Variants in EPHX2 observed in about 807,000 individuals in gnomAD.
EPHX2 encodes the protein bifunctional epoxide hydrolase 2.
A neutral mutation model predicts 78.7 loss-of-function variants in EPHX2; 74 were observed. The ratio of observed to expected loss-of-function variants is 0.94; its 90% confidence interval spans 0.78 to 1.14. The LOEUF is 1.14. EPHX2 is among the 50% of genes most tolerant of loss of function. The pLI, the probability that EPHX2 is intolerant of heterozygous loss-of-function variation, is 0.00. For synonymous variants in EPHX2, 251 were observed against 255.2 expected, an observed-to-expected ratio of 0.98 and a Z score of 0.16; for missense variants, 715 against 702.5, an observed-to-expected ratio of 1.02 and a Z score of -0.20.
At chr8:27,530,891 G>A (rs62504300) in intron 12 of EPHX2, among the ~76,000 whole-genome samples, 12,340 of 150,812 alleles carry the variant, frequency 0.082, 522 homozygotes, top group Non-Finnish European at 0.1. Context: ...AGCCTCCCAA[G>A]TAGCTGGGAT....
chr8:27,501,327 C>CTTCTTCTTCTTCT (rs1460555118), intron 2 of EPHX2, among the ~76,000 whole-genome samples: 18 of 32,898 alleles, frequency 5.5e-4, no homozygotes, highest in African/African-American at 3.3e-3. Flanking sequence ...TATATATTTT[C>CTTCTTCTTCTTCT]TTCTTCTTCT....
At chr8:27,520,026 G>A (rs1432214328) in intron 9 of EPHX2, among the ~76,000 whole-genome samples, 3 of 148,176 alleles carry the variant, frequency 2.0e-5, no homozygotes, top group African/African-American at 7.5e-5. Context: ...TTTTTAATAA[G>A]CAACAGGGTC....
intron 10 of EPHX2, 31 bp downstream of exon 10, chr8:27,520,940 G>C: frequency 6.2e-7 from 1 of 1,613,732 alleles, no homozygotes; most frequent in South Asian, 1.1e-5. Flanking sequence ...GATATCTTTG[G>C]AGAATTCCTT....
intron 12 of EPHX2, among the ~76,000 whole-genome samples, chr8:27,527,499 T>C (rs1585212597): frequency 1.3e-5 from 2 of 152,200 alleles, no homozygotes; most frequent in East Asian, 3.8e-4. Context: ...TCCAGAACTT[T>C]TTCATCTTCC....
At chr8:27,504,022 A>G (rs981672228) in intron 3 of EPHX2, among the ~76,000 whole-genome samples, 8 of 152,326 alleles carry the variant, frequency 5.3e-5, no homozygotes, top group African/African-American at 1.4e-4. Flanking sequence ...CTCCCCTTCA[A>G]TGGCACTTTA....
chr8:27,493,811 C>T (rs1813473943), intron 1 of EPHX2, among the ~76,000 whole-genome samples: 1 of 152,138 alleles, frequency 6.6e-6, no homozygotes, highest in African/African-American at 2.4e-5. Context: ...TTCATTTTCC[C>T]ACACTCCTAG....
At chr8:27,497,598 AG>A in intron 1 of EPHX2, among the ~76,000 whole-genome samples, 1 of 152,190 alleles carries the variant, frequency 6.6e-6, no homozygotes. Flanking sequence ...GCCCAGGGAT[AG>A]CTTTTGGAGC....
intron 12 of EPHX2, among the ~76,000 whole-genome samples, chr8:27,529,791 A>G (rs7818149): frequency 0.082 from 12,474 of 151,720 alleles, 633 homozygotes; most frequent in Middle Eastern, 0.17. Context: ...CATGCCTGTA[A>G]TCCCAGCTGC....
intron 12 of EPHX2, among the ~76,000 whole-genome samples, chr8:27,528,869 C>T (rs1814937223): frequency 6.6e-6 from 1 of 152,174 alleles, no homozygotes; most frequent in African/African-American, 2.4e-5. Context: ...AATCTCGGCT[C>T]ACTACAACCT....
intron 12 of EPHX2, among the ~76,000 whole-genome samples, chr8:27,533,180 AG>A (rs2132784072): frequency 6.6e-6 from 1 of 152,352 alleles, no homozygotes; most frequent in African/African-American, 2.4e-5. Context: ...CCTGCATGTC[AG>A]GCATTGTAAG....
intron 8 of EPHX2, among the ~76,000 whole-genome samples, chr8:27,517,432 C>T (rs1025818800): frequency 7.2e-5 from 11 of 152,284 alleles, no homozygotes; most frequent in South Asian, 2.1e-4. Context: ...ATAGTCAAAG[C>T]GACCTTCAGA....
intron 12 of EPHX2, among the ~76,000 whole-genome samples, chr8:27,527,333 G>A (rs1814881714): frequency 1.3e-5 from 2 of 152,148 alleles, no homozygotes. Flanking sequence ...CAAAGTGCTG[G>A]GATTATAGGT....
chr8:27,519,012 G>A (rs184526625), intron 9 of EPHX2, among the ~76,000 whole-genome samples: 30 of 152,210 alleles, frequency 2.0e-4, no homozygotes, highest in African/African-American at 6.5e-4. Context: ...TCACTTAGGA[G>A]AACTGGTCTC....
intron 9 of EPHX2, among the ~76,000 whole-genome samples, chr8:27,519,023 T>C (rs190023872): frequency 5.3e-5 from 8 of 152,364 alleles, no homozygotes; most frequent in Non-Finnish European, 1.0e-4. Flanking sequence ...AACTGGTCTC[T>C]TGAAGAAAGT....
intron 2 of EPHX2, among the ~76,000 whole-genome samples, chr8:27,503,324 G>C (rs1813868864): frequency 6.6e-6 from 1 of 152,190 alleles, no homozygotes; most frequent in African/African-American, 2.4e-5. Flanking sequence ...AGGGCTCTTA[G>C]GAATAGCACT....
intron 12 of EPHX2, among the ~76,000 whole-genome samples, chr8:27,530,067 C>CTTTTTTTTTTTT (rs34619047): frequency 6.9e-6 from 1 of 144,838 alleles, no homozygotes; most frequent in African/African-American, 2.5e-5. Flanking sequence ...GTCTCTCTCT[C>CTTTTTTTTTTTT]TTTTTTTTTT....
intron 7 of EPHX2, 56 bp from the exon 8 acceptor site, chr8:27,516,264 G>A: frequency 6.7e-6 from 10 of 1,496,686 alleles, no homozygotes; most frequent in Admixed American, 3.4e-5. Context: ...AGCAAAGAGG[G>A]AGTATCCGCC....
In EPHX2 at chr8:27,515,833, T is replaced by C. The variant is rs368515583; in HGVS notation, c.831+20T>C. 14 of 1,608,264 alleles carry C rather than the reference T, an allele frequency of 8.7e-6. No individual in the cohort carries two copies. In the African/African-American group the frequency reaches 1.6e-4, roughly 18 times the overall value. On this transcript the variant is annotated intron_variant, in intron 7 of 18. Coordinates refer to ENST00000521400, the MANE Select transcript of EPHX2 (RefSeq NM_001979.6). ...TACCAGGTGAGAAAGCTGGGGAAGA[T>C]GCAGCCAGTCAGGGTGAGGTTGGGG...
intron 1 of EPHX2, among the ~76,000 whole-genome samples, chr8:27,500,449 T>C (rs1422056380): frequency 6.6e-6 from 1 of 152,140 alleles, no homozygotes. Flanking sequence ...GAGAACAGAC[T>C]AATACAGGAA....
Sources: gnomAD v4.1 joint callset for allele counts (sites outside exome capture counted in the v4.1 genomes callset) on GRCh38, gnomAD v4.1.1 for gene constraint, MANE v1.5 for transcripts, NCBI Gene and HGNC (gene_info 2026-07-23, HGNC 2026-07-21) for gene names.